The following ZNF528 variants were observed in gnomAD, a reference collection of about 807,000 sequenced individuals.
ZNF528 encodes zinc finger protein 528.
ZNF528 carries 9 observed loss-of-function variants against 13.3 expected under a neutral mutation model. The ratio of observed to expected loss-of-function variants is 0.67; its 90% CI spans 0.41 to 1.18. The LOEUF (loss-of-function observed/expected upper bound fraction) is 1.18. ZNF528 is among the 50% of genes most tolerant of loss of function. ZNF528 has a pLI of 0.01. For missense variants in ZNF528, 858 were observed against 745.4 expected, an observed-to-expected ratio of 1.15 and a Z score of -1.76; for synonymous variants, 264 against 254.3, an observed-to-expected ratio of 1.04 and a Z score of -0.36.
rs2058859025 is a variant in ZNF528 at position 52,406,585 on chromosome 19, T to C, written c.213T>C (p.Ser71=). 2 of 1,613,768 alleles carry C rather than the reference T, an allele frequency of 1.2e-6. No individual in the cohort carries two copies. Among genetic ancestry groups the C allele is most frequent in the Non-Finnish European group, 1.7e-6 (2 of 1,179,962 alleles). The change falls in exon 6 of 7, where the codon AGT becomes AGC. Residue 71 remains serine, a synonymous_variant. Transcript: ENST00000360465. ...EQKRDPWTLQ[S]EEKIANDPDG... is the part of the protein sequence containing the mutation. ...AGAGAGATCCCTGGACTCTGCAGAG[T>C]GAAGAGAAAATAGCAAACGATCCAG... is the stretch of plus-strand genomic sequence containing the variant.
intron 2 of ZNF528, 143 bp downstream of exon 2, chr19:52,398,762 G>A (rs375545155): frequency 5.3e-5 from 17 of 317,868 alleles, no homozygotes; most frequent in African/African-American, 3.1e-4. Flanking sequence ...TCAGACAGAG[G>A]GGGGAGAGGA....
At chr19:52,410,329 G>T (rs1178264188) in intron 6 of ZNF528, among the ~76,000 whole-genome samples, 2 of 152,182 alleles carry the variant, frequency 1.3e-5, no homozygotes, top group African/African-American at 4.8e-5. Flanking sequence ...ATTTTATTGG[G>T]TAAAAGAGGG....
At chr19:52,414,417 G>A in intron 6 of ZNF528, 3 of 662,808 alleles carry the variant, frequency 4.5e-6, no homozygotes, top group Middle Eastern at 2.9e-4. Flanking sequence ...GTGAACAAGG[G>A]CCCTGAGCTT....
At chr19:52,403,029 G>A (rs574029397) in intron 4 of ZNF528, among the ~76,000 whole-genome samples, 14 of 152,212 alleles carry the variant, frequency 9.2e-5, no homozygotes, top group African/African-American at 3.4e-4. Flanking sequence ...TTTTGAATAT[G>A]GATATTTAGT....
chr19:52,416,675 C>T lies in ZNF528; in HGVS notation c.1823C>T (p.Thr608Ile), dbSNP rs777526779. The T allele has an allele frequency of 9.3e-6, 15 of 1,613,742 alleles. No individual in the cohort carries two copies. The highest frequency in any genetic ancestry group is 1.3e-5 in the Non-Finnish European group (15 of 1,179,642). The change falls in exon 7 of 7, where the codon ACC (threonine) becomes ATC (isoleucine). Residue 608 changes from threonine (T) to isoleucine (I), a missense_variant. By Grantham distance (89) the Thr-to-Ile change is moderately conservative (BLOSUM62 -1). Coordinates refer to ENST00000360465, the MANE Select transcript of ZNF528 (RefSeq NM_032423.3). Reference protein sequence around the residue: ...IHIGEKPYKCTLCSKVFSHNS... With the variant: ...IHIGEKPYKCILCSKVFSHNS... ...ATTGGAGAGAAACCTTACAAATGCA[C>T]CCTGTGCAGTAAGGTCTTCAGTCAC... is the stretch of plus-strand genomic sequence containing the variant.
intron 5 of ZNF528, among the ~76,000 whole-genome samples, 157 bp downstream of exon 5, chr19:52,406,190 G>A (rs1468652264): frequency 6.6e-6 from 1 of 152,150 alleles, no homozygotes; most frequent in African/African-American, 2.4e-5. Context: ...GACTTGAAAT[G>A]TCCCCTTTCT....
rs1568425026 is a variant in ZNF528 at position 52,405,965 on chromosome 19, T to A, written c.74T>A (p.Leu25Gln). 2 of 1,612,236 alleles carry A rather than the reference T, an allele frequency of 1.2e-6. No individual in the cohort carries two copies. Among genetic ancestry groups the A allele is most frequent in the African/African-American group, 1.3e-5 (1 of 74,880 alleles). ...TTCTCTCAGGAAGAGTGGAAATGCC[T>A]GGACCCTGCGCAGAGGACTTTATAC... ...IEFSQEEWKC[L>Q]DPAQRTLYRD... is the part of the protein sequence containing the mutation. The change falls in exon 5 of 7, where the codon CTG (leucine) becomes CAG (glutamine). Residue 25 changes from leucine to glutamine, a missense_variant. Leu to Gln is a moderately radical substitution (Grantham distance 113). Coordinates refer to ENST00000360465, the MANE Select transcript of ZNF528 (RefSeq NM_032423.3).
chr19:52,408,119 A>G (rs377621558), intron 6 of ZNF528: 1 of 151,660 alleles, frequency 6.6e-6, no homozygotes, highest in Non-Finnish European at 1.5e-5. Context: ...AATTAATCCT[A>G]TATATTTTAT....
At chr19:52,407,389 C>T (rs904337196) in intron 6 of ZNF528, among the ~76,000 whole-genome samples, 10 of 152,324 alleles carry the variant, frequency 6.6e-5, no homozygotes, top group Admixed American at 2.6e-4. Flanking sequence ...GTCTGCCTGC[C>T]TCAGCTTCCC....
chr19:52,400,398 TCTCA>T, intron 2 of ZNF528, among the ~76,000 whole-genome samples: 1 of 152,138 alleles, frequency 6.6e-6, no homozygotes, highest in East Asian at 1.9e-4. Context: ...TTAGGCGCTC[TCTCA>T]CTCTTTCCTC....
chr19:52,417,972 T>A lies in ZNF528; in HGVS notation c.*1233T>A, dbSNP rs1358921343. On this transcript the variant is annotated 3_prime_UTR_variant, in exon 7 of 7. Transcript: ENST00000360465. ...ATCACAGTTGAGAGTTTAATCAAAATGACCGGATCAGCATATTCTTTTTTT... is the reference window on the plus strand; with the variant it reads ...ATCACAGTTGAGAGTTTAATCAAAAAGACCGGATCAGCATATTCTTTTTTT... 6.6e-6 allele frequency: 1 copy of A among 152,052 alleles called. No individual in the cohort carries two copies. The highest frequency in any genetic ancestry group is 1.9e-4 in the East Asian group (1 of 5,162). The allele number at this position is 152,052 out of a possible 1,614,324, so 9.4% of individuals were successfully genotyped here.
intron 6 of ZNF528, among the ~76,000 whole-genome samples, chr19:52,409,302 C>CTTT (rs201367844): frequency 1.4e-5 from 2 of 140,532 alleles, no homozygotes; most frequent in East Asian, 2.0e-4. Context: ...GATCAAATCT[C>CTTT]TTTTTTTTTT....
chr19:52,416,555 T>G lies in ZNF528; in HGVS notation c.1703T>G (p.Leu568Arg). Residue 568 changes from leucine (L) to arginine (R), a missense_variant, in exon 7 of 7, where the codon CTT becomes CGT. Physicochemically the swap from Leu to Arg is moderately radical, Grantham distance 102. Coordinates refer to ENST00000360465, the MANE Select transcript of ZNF528 (RefSeq NM_032423.3). ...FRGCSGLTAH[L>R]AIHTEKKSHE... ...GGGTGTTCAGGCCTTACTGCCCATCTTGCAATCCATACTGAAAAGAAATCT... is the reference window on the plus strand; with the variant it reads ...GGGTGTTCAGGCCTTACTGCCCATCGTGCAATCCATACTGAAAAGAAATCT... 3 of 1,614,206 alleles carry G rather than the reference T, an allele frequency of 1.9e-6. No homozygotes were observed. The highest frequency in any genetic ancestry group is 2.5e-6 in the Non-Finnish European group (3 of 1,180,036).
intron 2 of ZNF528, among the ~76,000 whole-genome samples, chr19:52,399,607 T>TCAAAAAA (rs982762275): frequency 1.3e-5 from 2 of 152,178 alleles, no homozygotes; most frequent in African/African-American, 2.4e-5. Context: ...AGACTCCATC[T>TCAAAAAA]CAAAAAACAA....
intron 6 of ZNF528, among the ~76,000 whole-genome samples, chr19:52,408,894 A>T (rs116449924): frequency 1.3e-5 from 2 of 152,114 alleles, no homozygotes; most frequent in Non-Finnish European, 2.9e-5. Flanking sequence ...TTTCATATGG[A>T]TTAAAGATAC....
chr19:52,412,541 T>C (rs1005300043), intron 6 of ZNF528: 1 of 152,216 alleles, frequency 6.6e-6, no homozygotes, highest in Non-Finnish European at 1.5e-5. Flanking sequence ...AATGGGCTTG[T>C]GGTCTGGACT....
At chr19:52,401,197 T>C (rs1294627453) in intron 2 of ZNF528, among the ~76,000 whole-genome samples, 1 of 152,036 alleles carries the variant, frequency 6.6e-6, no homozygotes, top group Non-Finnish European at 1.5e-5. Flanking sequence ...ACATCTCTGC[T>C]GGGACATCCA....
intron 4 of ZNF528, among the ~76,000 whole-genome samples, chr19:52,405,436 T>C (rs1599821635): frequency 6.6e-6 from 1 of 151,556 alleles, no homozygotes; most frequent in African/African-American, 2.4e-5. Context: ...GAGGCTGAGG[T>C]TGGAGGATGA....
chr19:52,399,332 C>T (rs2058764575), intron 2 of ZNF528, among the ~76,000 whole-genome samples: 1 of 152,272 alleles, frequency 6.6e-6, no homozygotes, highest in South Asian at 2.1e-4. Flanking sequence ...ACACATGAGG[C>T]TAGGAGCTGT....
Sources: allele counts gnomAD v4.1 joint callset (sites outside exome capture counted in the v4.1 genomes callset), GRCh38; gene constraint gnomAD v4.1.1; transcripts MANE v1.5; gene names NCBI Gene and HGNC (gene_info 2026-07-23, HGNC 2026-07-21).